RBFOX1: variants seen among roughly 807,000 people sequenced by gnomAD.
The protein encoded by RBFOX1 is RNA binding fox-1 homolog 1, also known as RNA binding protein fox-1 homolog 1.
A neutral mutation model predicts 57.7 loss-of-function variants in RBFOX1; 8 were observed. The observed-to-expected ratio is 0.14, with a 90% CI of 0.08 to 0.25. The LOEUF is 0.25. RBFOX1 is among the 10% of genes least tolerant of loss of function. The probability of loss-of-function intolerance (pLI) is 1.00; values close to 1 mark genes in which losing one functional copy is unlikely to be tolerated. For synonymous variants in RBFOX1, 326 were observed against 222.4 expected (o/e 1.47, Z -4.15); for missense variants, 611 against 548.5 (o/e 1.11, Z -1.14).
chr16:7,093,503 T>C lies in RBFOX1; in HGVS notation c.27+41405T>C, dbSNP rs1349051079. On this transcript the variant is annotated intron_variant, in intron 4 of 15. Transcript: ENST00000550418. ...TGGAAAGGGCTAGTTTCCCAGCATC[T>C]TTAAGTCAGAGGTACCCACTTATCC... Among the ~76,000 whole-genome samples, 3 of 152,208 alleles carry C rather than the reference T, an allele frequency of 2.0e-5. No individual in the cohort carries two copies. The East Asian group carries it at 5.8e-4, about 29-fold the overall frequency.
intron 4 of RBFOX1, among the ~76,000 whole-genome samples, chr16:7,255,900 C>G (rs1209413112): frequency 6.6e-6 from 1 of 152,068 alleles, no homozygotes; most frequent in South Asian, 2.1e-4. Flanking sequence ...TTTCCGTTAC[C>G]TTATTGGATA....
chr16:7,455,460 A>G (rs981057265), intron 4 of RBFOX1, among the ~76,000 whole-genome samples: 3 of 152,160 alleles, frequency 2.0e-5, no homozygotes, highest in Non-Finnish European at 4.4e-5. Flanking sequence ...AAATATTTAC[A>G]TAGATATGGA....
intron 1 of RBFOX1, among the ~76,000 whole-genome samples, chr16:6,269,997 C>T (rs868196175): frequency 1.3e-5 from 2 of 152,078 alleles, no homozygotes; most frequent in Non-Finnish European, 2.9e-5. Flanking sequence ...TTCATTCAAA[C>T]TGGTGAAAAC....
At chr16:6,323,007 T>G (rs919455633) in intron 2 of RBFOX1, among the ~76,000 whole-genome samples, 1 of 152,176 alleles carries the variant, frequency 6.6e-6, no homozygotes, top group African/African-American at 2.4e-5. Context: ...TCTCCTAAGC[T>G]GCTGCATAGC....
chr16:7,689,214 A>G (rs553422426), intron 14 of RBFOX1, among the ~76,000 whole-genome samples: 2 of 152,092 alleles, frequency 1.3e-5, no homozygotes, highest in Non-Finnish European at 2.9e-5. Context: ...AGCCAAGACA[A>G]ACACAGCCTT....
At chr16:5,820,118 C>A (rs1015309239) in intron 3 of RBFOX1, among the ~76,000 whole-genome samples, 2 of 152,216 alleles carry the variant, frequency 1.3e-5, no homozygotes, top group Non-Finnish European at 2.9e-5. Flanking sequence ...AATATTTCTA[C>A]CACCTCTAGG....
At chr16:7,608,570 CT>C (rs1371888048) in intron 10 of RBFOX1, among the ~76,000 whole-genome samples, 2 of 152,164 alleles carry the variant, frequency 1.3e-5, no homozygotes, top group African/African-American at 4.8e-5. Context: ...ACCCTACCAC[CT>C]GAGAAGACAC....
At chr16:6,020,114 G>A (rs1365513207) in intron 1 of RBFOX1, 122 bp downstream of exon 1, 1 of 1,184,034 alleles carries the variant, frequency 8.4e-7, no homozygotes, top group East Asian at 3.0e-5. Context: ...GCCAGTCTGG[G>A]CGCTCTGGAC....
rs76923394 is a variant in RBFOX1, at chr16:5,616,497, C to T, written c.318+17536C>T. Among the ~76,000 whole-genome samples the T allele has an allele frequency of 7.6e-3, 1,158 of 152,186 alleles. 23 individuals are homozygous for T. Among genetic ancestry groups the T allele is most frequent in the African/African-American group, 0.027 (1,125 of 41,516 alleles). ...TGATTTTCCCACTGAACTGCTGCCA[C>T]CGTGAATACGAGCTCTTGGAGATGC... On this transcript the variant is annotated intron_variant, in intron 3 of 19. Transcript: ENST00000641259.
chr16:6,919,525 C>G (rs2073991861), intron 3 of RBFOX1, among the ~76,000 whole-genome samples: 1 of 151,912 alleles, frequency 6.6e-6, no homozygotes, highest in East Asian at 1.9e-4. Flanking sequence ...CATGAAATCC[C>G]AAGAGAGATC....
intron 1 of RBFOX1, among the ~76,000 whole-genome samples, chr16:6,240,422 C>G (rs1357785918): frequency 6.6e-6 from 1 of 152,008 alleles, no homozygotes; most frequent in Non-Finnish European, 1.5e-5. Context: ...ACCAACTAAG[C>G]TCCAGATTAG....
chr16:5,977,173 G>C (rs911120553), intron 4 of RBFOX1, among the ~76,000 whole-genome samples: 2 of 152,160 alleles, frequency 1.3e-5, no homozygotes, highest in African/African-American at 2.4e-5. Context: ...TAGCTATATT[G>C]TGTGGGCAGA....
At chr16:6,877,793 A>G (rs1036499523) in intron 3 of RBFOX1, among the ~76,000 whole-genome samples, 1 of 151,934 alleles carries the variant, frequency 6.6e-6, no homozygotes, top group Non-Finnish European at 1.5e-5. Context: ...ATGCAGTTAC[A>G]TTTTGCTTGT....
At chr16:5,861,303 A>G (rs1397933436) in intron 3 of RBFOX1, among the ~76,000 whole-genome samples, 1 of 152,198 alleles carries the variant, frequency 6.6e-6, no homozygotes, top group Admixed American at 6.5e-5. Context: ...ACAGGTGACT[A>G]TGTGACTGAG....
chr16:7,581,741 A>G (rs1321899434), intron 6 of RBFOX1, among the ~76,000 whole-genome samples: 1 of 152,086 alleles, frequency 6.6e-6, no homozygotes, highest in South Asian at 2.1e-4. Flanking sequence ...TAAAAAGACA[A>G]GTTCTCACTC....
chr16:7,129,813 G>A (rs2069709945), intron 4 of RBFOX1, among the ~76,000 whole-genome samples: 1 of 124,330 alleles, frequency 8.0e-6, no homozygotes, highest in Non-Finnish European at 1.6e-5. Context: ...ATGAGTGAAT[G>A]GTTAGACAGA....
intron 3 of RBFOX1, among the ~76,000 whole-genome samples, chr16:6,877,845 C>T (rs537569216): frequency 1.3e-5 from 2 of 152,042 alleles, no homozygotes; most frequent in Non-Finnish European, 2.9e-5. Flanking sequence ...TCTTCCTATC[C>T]CCAAAATACC....
chr16:6,861,029 G>A (rs548150738), intron 3 of RBFOX1, among the ~76,000 whole-genome samples: 370 of 152,276 alleles, frequency 2.4e-3, no homozygotes, highest in African/African-American at 8.4e-3. Flanking sequence ...ACCACTGTTA[G>A]GGAGTAGGGG....
At chr16:6,612,941 GA>G (rs1437637012) in intron 2 of RBFOX1, among the ~76,000 whole-genome samples, 1 of 151,588 alleles carries the variant, frequency 6.6e-6, no homozygotes, top group Non-Finnish European at 1.5e-5. Flanking sequence ...AATTCAGTTT[GA>G]CAAACAAAGC....
Sources: gnomAD v4.1 joint callset for allele counts (sites outside exome capture counted in the v4.1 genomes callset) on GRCh38, gnomAD v4.1.1 for gene constraint, MANE v1.5 for transcripts, NCBI Gene and HGNC (gene_info 2026-07-23, HGNC 2026-07-21) for gene names.